GSR: variants seen among roughly 807,000 people sequenced by gnomAD.
GSR encodes the protein glutathione-disulfide reductase.
A neutral mutation model predicts 56.5 loss-of-function variants in GSR; 48 were observed. The ratio of observed to expected loss-of-function variants is 0.85; its 90% confidence interval spans 0.67 to 1.08. The LOEUF (loss-of-function observed/expected upper bound fraction) is 1.08, where lower values mean the gene tolerates loss of function less well. GSR is among the 50% of genes least tolerant of loss of function. GSR has a pLI of 0.00. For synonymous variants in GSR, 264 were observed against 270.8 expected, an observed-to-expected ratio of 0.97 and a Z score of 0.25; for missense variants, 694 against 703.3, an observed-to-expected ratio of 0.99 and a Z score of 0.15.
At position 30,705,866 on chromosome 8, in the gene GSR, A is replaced by G. The variant is rs959630272; in HGVS notation, c.492+2206T>C. ...TATTTTTCCCCCTGGATTGAGGATT[A>G]AGGTTGGAAAATTCACCCTCCAAAA... On this transcript the variant is annotated intron_variant, in intron 4 of 12. Coordinates refer to ENST00000221130, the MANE Select transcript of GSR (RefSeq NM_000637.5). 3.3e-5 allele frequency among the ~76,000 whole-genome samples: 5 copies of G among 152,196 alleles called. No individual in the cohort carries two copies. The East Asian group carries it at 5.8e-4, about 18-fold the overall frequency.
intron 6 of GSR, among the ~76,000 whole-genome samples, chr8:30,698,162 T>C (rs1803613698): frequency 6.6e-6 from 1 of 152,228 alleles, no homozygotes; most frequent in Non-Finnish European, 1.5e-5. Flanking sequence ...ATTTATGTAC[T>C]TGCCCAGTTA....
intron 7 of GSR, among the ~76,000 whole-genome samples, chr8:30,695,227 TTTTTG>T (rs774337246): frequency 3.3e-5 from 5 of 152,058 alleles, no homozygotes; most frequent in Non-Finnish European, 5.9e-5. Flanking sequence ...TTTTGCAGTT[TTTTTG>T]TTTTGTTTTG....
intron 6 of GSR, among the ~76,000 whole-genome samples, chr8:30,699,312 A>T (rs114809198): frequency 0.02 from 3,022 of 151,824 alleles, 67 homozygotes; most frequent in South Asian, 0.021. Context: ...ATGTTTGTTC[A>T]TTAAAAGAAA....
At chr8:30,719,104 A>ATTTT (rs35944160) in intron 1 of GSR, among the ~76,000 whole-genome samples, 1 of 73,666 alleles carries the variant, frequency 1.4e-5, no homozygotes, top group South Asian at 5.3e-4. Context: ...TAATTTTTAA[A>ATTTT]TTTTTTTTTT....
chr8:30,721,050 C>A (rs1263608346), intron 1 of GSR, among the ~76,000 whole-genome samples: 1 of 152,076 alleles, frequency 6.6e-6, no homozygotes, highest in East Asian at 1.9e-4. Flanking sequence ...GAGCCATGAT[C>A]GTGCCACTGC....
In GSR at chr8:30,696,254, A is replaced by G. The variant is rs1803537538; in HGVS notation, c.795+126T>C. Reference sequence around the variant, plus strand: ...ATTCAGGTAACTTGGATACAGCACCATATGAAACCAACCAAATGACCCCCA... The same window carrying G: ...ATTCAGGTAACTTGGATACAGCACCGTATGAAACCAACCAAATGACCCCCA... On this transcript the variant is annotated intron_variant, in intron 7 of 12. Transcript: ENST00000221130. 6.5e-6 allele frequency: 5 copies of G among 768,968 alleles called. No homozygotes were observed. In the Admixed American group the frequency reaches 9.1e-5, roughly 14 times the overall value. The allele number at this position is 768,968 out of a possible 1,614,324, so 47.6% of individuals were successfully genotyped here.
intron 12 of GSR, among the ~76,000 whole-genome samples, chr8:30,680,389 T>TG: frequency 6.9e-5 from 10 of 144,336 alleles, no homozygotes; most frequent in Non-Finnish European, 9.1e-5. Context: ...CTGTTTTTTT[T>TG]TTTTTTTTTT....
chr8:30,685,797 G>A (rs1176952073), intron 9 of GSR, among the ~76,000 whole-genome samples: 1 of 151,924 alleles, frequency 6.6e-6, no homozygotes, highest in Non-Finnish European at 1.5e-5. Context: ...CCAACATGGT[G>A]AAACCCTGTC....
At chr8:30,709,555 AG>A (rs1318868038) in intron 3 of GSR, among the ~76,000 whole-genome samples, 1 of 152,138 alleles carries the variant, frequency 6.6e-6, no homozygotes, top group Non-Finnish European at 1.5e-5. Context: ...GAAGAGAATG[AG>A]GGGTTATTGT....
chr8:30,707,752 C>T (rs1051675632), intron 4 of GSR, among the ~76,000 whole-genome samples: 1 of 151,906 alleles, frequency 6.6e-6, no homozygotes, highest in African/African-American at 2.4e-5. Flanking sequence ...GTCAGGAGTT[C>T]GAGACCAGCC....
At chr8:30,680,779 A>T in intron 12 of GSR, 125 bp downstream of exon 12, 1 of 836,652 alleles carries the variant, frequency 1.2e-6, no homozygotes, top group East Asian at 2.4e-5. Context: ...GACAGATCAA[A>T]GTGGGCCTGT....
At chr8:30,703,035 G>A in intron 5 of GSR, 58 bp downstream of exon 5, 5 of 1,562,378 alleles carry the variant, frequency 3.2e-6, no homozygotes, top group South Asian at 2.2e-5. Context: ...GGCTTTTCAG[G>A]TTGAAAGCAA....
chr8:30,680,710 A>T lies in GSR; in HGVS notation c.1419+194T>A, dbSNP rs550081919. Among the ~76,000 whole-genome samples the T allele has an allele frequency of 7.2e-5, 11 of 152,124 alleles. No individual in the cohort carries two copies. The South Asian group carries it at 1.9e-3, about 26-fold the overall frequency. The stretch of plus-strand genomic sequence containing the variant: ...ACGCCTGGCATCGTCTTTATTTTTT[A>T]AAAGGAGTGGAACCTCCTTCTAGAT... On this transcript the variant is annotated intron_variant, in intron 12 of 12. Coordinates refer to ENST00000221130, the MANE Select transcript of GSR (RefSeq NM_000637.5).
At chr8:30,699,943 G>A in intron 6 of GSR, 138 bp downstream of exon 6, 3 of 765,260 alleles carry the variant, frequency 3.9e-6, no homozygotes, top group African/African-American at 3.4e-5. Flanking sequence ...AGATATACAA[G>A]GTCATGAAAA....
At chr8:30,724,844 G>C (rs185688146) in intron 1 of GSR, among the ~76,000 whole-genome samples, 1 of 152,268 alleles carries the variant, frequency 6.6e-6, no homozygotes, top group African/African-American at 2.4e-5. Context: ...TTACATTCTT[G>C]TGAGGTTCTT....
At chr8:30,697,658 G>A (rs1026937677) in intron 6 of GSR, among the ~76,000 whole-genome samples, 4 of 151,916 alleles carry the variant, frequency 2.6e-5, no homozygotes, top group Non-Finnish European at 5.9e-5. Context: ...CTAATATCCC[G>A]TCACAGAAGG....
chr8:30,719,104 ATTTT>A (rs35944160), intron 1 of GSR, among the ~76,000 whole-genome samples: 2 of 73,656 alleles, frequency 2.7e-5, no homozygotes. Flanking sequence ...TAATTTTTAA[ATTTT>A]TTTTTTTTTT....
chr8:30,714,202 CTTTTTTTTTT>C (rs33969608), intron 1 of GSR, among the ~76,000 whole-genome samples: 1 of 63,960 alleles, frequency 1.6e-5, no homozygotes, highest in Non-Finnish European at 2.7e-5. Context: ...GTTCTATATG[CTTTTTTTTTT>C]TTTTTTTTTT....
At chr8:30,718,891 C>A (rs187875725) in intron 1 of GSR, among the ~76,000 whole-genome samples, 3 of 150,012 alleles carry the variant, frequency 2.0e-5, no homozygotes, top group African/African-American at 7.3e-5. Flanking sequence ...ATTATAGGCA[C>A]GCACCACTAT....
Sources: gnomAD v4.1 joint callset for allele counts (sites outside exome capture counted in the v4.1 genomes callset) on GRCh38, gnomAD v4.1.1 for gene constraint, MANE v1.5 for transcripts, NCBI Gene and HGNC (gene_info 2026-07-23, HGNC 2026-07-21) for gene names.